TMCC3: variants seen among roughly 807,000 people sequenced by gnomAD.
The protein encoded by TMCC3 is transmembrane and coiled-coil domain family 3.
A neutral mutation model predicts 40.2 loss-of-function variants in TMCC3; 28 were observed. That is an observed-to-expected ratio of 0.70 (90% CI 0.52 to 0.95). The LOEUF (loss-of-function observed/expected upper bound fraction) is 0.95, where lower values mean the gene tolerates loss of function less well. Among genes scored for constraint, TMCC3 ranks in the 40% least tolerant of loss-of-function variants. TMCC3 has a pLI of 0.00. For missense variants in TMCC3, 554 were observed against 615.2 expected (o/e 0.90, Z 1.05); for synonymous variants, 255 against 248.5 (o/e 1.03, Z -0.25).
intron 1 of TMCC3, among the ~76,000 whole-genome samples, chr12:94,598,116 C>T (rs2068729491): frequency 6.6e-6 from 1 of 152,114 alleles, no homozygotes; most frequent in Admixed American, 6.5e-5. Flanking sequence ...GTTTCCGGTA[C>T]CTTATTTTAT....
rs1488514359 is a variant in TMCC3 at position 94,593,455 on chromosome 12, A to T, written c.79-10917T>A. Among the ~76,000 whole-genome samples the T allele has an allele frequency of 2.5e-5, 3 of 120,130 alleles. 1 individual carries two copies. Among genetic ancestry groups the T allele is most frequent in the African/African-American group, 6.0e-5 (2 of 33,308 alleles). 78.8% of individuals were successfully genotyped at this position (120,130 alleles called of 152,430 possible). ...GAAGGAGAAGGAGAAGGAGAAGGAG[A>T]AGAAGAAGAAGAAGAAGAAGAATTC... On this transcript the variant is annotated intron_variant, in intron 1 of 3. Transcript: ENST00000261226.
At chr12:94,602,293 G>A (rs541957095) in intron 1 of TMCC3, among the ~76,000 whole-genome samples, 15 of 152,324 alleles carry the variant, frequency 9.8e-5, no homozygotes, top group African/African-American at 3.6e-4. Flanking sequence ...TAGTTGCAGA[G>A]ATCACAGACT....
intron 1 of TMCC3, among the ~76,000 whole-genome samples, chr12:94,624,908 A>T (rs992321867): frequency 2.6e-5 from 4 of 152,152 alleles, no homozygotes; most frequent in African/African-American, 9.6e-5. Context: ...TGGGAGGCCG[A>T]GGCGGGTGGA....
Position 94,582,165 on chromosome 12 carries a change from C to T in TMCC3, c.452G>A (p.Ser151Asn). 1 of 1,614,084 alleles carries T rather than the reference C, an allele frequency of 6.2e-7. No homozygotes were observed. Among genetic ancestry groups the T allele is most frequent in the Non-Finnish European group, 8.5e-7 (1 of 1,180,014 alleles). ...GTGGTCTTTGGAAATGTCCTTTGAG[C>T]TCCTAGAGGCTCCATTCTGCTCGAT... Reference protein sequence around the residue: ...REIEQNGASRSSKDISKDHLK... With the variant: ...REIEQNGASRNSKDISKDHLK... Residue 151 changes from serine to asparagine, a missense_variant, in exon 2 of 4, where the codon AGC (serine) becomes AAC (asparagine). Physicochemically the swap from Ser to Asn is conservative, Grantham distance 46. Coordinates refer to ENST00000261226, the MANE Select transcript of TMCC3 (RefSeq NM_020698.4).
At chr12:94,596,667 C>T (rs2068716944) in intron 1 of TMCC3, among the ~76,000 whole-genome samples, 3 of 151,926 alleles carry the variant, frequency 2.0e-5, no homozygotes, top group Non-Finnish European at 2.9e-5. Flanking sequence ...CATCTATCAT[C>T]TACTAGGCCA....
At chr12:94,578,710 C>A (rs2068582945) in intron 2 of TMCC3, among the ~76,000 whole-genome samples, 181 bp from the exon 3 acceptor site, 1 of 152,190 alleles carries the variant, frequency 6.6e-6, no homozygotes, top group African/African-American at 2.4e-5. Context: ...AGTCCCAGCT[C>A]TGGAAAGATC....
intron 1 of TMCC3, among the ~76,000 whole-genome samples, chr12:94,628,788 G>T (rs1178500652): frequency 1.3e-5 from 2 of 152,170 alleles, no homozygotes; most frequent in Admixed American, 1.3e-4. Flanking sequence ...CCATAAGCGC[G>T]TGACTTTTGT....
chr12:94,620,772 G>A (rs185831257), intron 1 of TMCC3, among the ~76,000 whole-genome samples: 1 of 152,270 alleles, frequency 6.6e-6, no homozygotes, highest in Admixed American at 6.5e-5. Context: ...ATTAGAATGG[G>A]TCTGCTTTAG....
chr12:94,573,410 G>A (rs566192853), intron 3 of TMCC3, among the ~76,000 whole-genome samples: 1 of 152,230 alleles, frequency 6.6e-6, no homozygotes, highest in East Asian at 1.9e-4. Flanking sequence ...AGCCACCCAA[G>A]CGGTCTTTTA....
intron 1 of TMCC3, among the ~76,000 whole-genome samples, chr12:94,607,161 GAA>G (rs1340079433): frequency 1.3e-5 from 2 of 152,204 alleles, no homozygotes; most frequent in Non-Finnish European, 2.9e-5. Context: ...TCTGCAAGAA[GAA>G]AACTATGGCT....
intron 1 of TMCC3, among the ~76,000 whole-genome samples, chr12:94,588,561 A>C (rs1388517192): frequency 6.6e-6 from 1 of 152,242 alleles, no homozygotes; most frequent in Non-Finnish European, 1.5e-5. Flanking sequence ...GGCATTTCCA[A>C]GGCAACAGGT....
intron 1 of TMCC3, among the ~76,000 whole-genome samples, chr12:94,594,419 C>T (rs1394025280): frequency 1.3e-5 from 2 of 152,096 alleles, no homozygotes; most frequent in Admixed American, 6.5e-5. Flanking sequence ...TAGGACTAAA[C>T]ACAGAACAAA....
chr12:94,646,495 A>G (rs1052053305), intron 1 of TMCC3, among the ~76,000 whole-genome samples: 1 of 140,930 alleles, frequency 7.1e-6, no homozygotes, highest in Admixed American at 7.3e-5. Flanking sequence ...CTGGAGTGCA[A>G]TGGCACGATC....
intron 3 of TMCC3, among the ~76,000 whole-genome samples, chr12:94,572,372 G>A (rs550179244): frequency 4.1e-4 from 58 of 140,316 alleles, no homozygotes; most frequent in African/African-American, 1.5e-3. Flanking sequence ...GTGCAGTGGC[G>A]TGATCTCGGC....
intron 1 of TMCC3, among the ~76,000 whole-genome samples, chr12:94,625,142 C>CAAA (rs35584074): frequency 0.056 from 6,610 of 117,112 alleles, 323 homozygotes; most frequent in African/African-American, 0.15. Flanking sequence ...AACTCCATCT[C>CAAA]AAAAAAAAAA....
At chr12:94,623,106 T>C (rs1361626027) in intron 1 of TMCC3, among the ~76,000 whole-genome samples, 1 of 152,180 alleles carries the variant, frequency 6.6e-6, no homozygotes, top group African/African-American at 2.4e-5. Context: ...GCTGCCAAAT[T>C]GCAATATTCA....
chr12:94,598,212 C>T (rs1214461973), intron 1 of TMCC3, among the ~76,000 whole-genome samples: 1 of 152,208 alleles, frequency 6.6e-6, no homozygotes, highest in Non-Finnish European at 1.5e-5. Context: ...TAATAAGTGG[C>T]AGAGCCATGT....
intron 1 of TMCC3, among the ~76,000 whole-genome samples, chr12:94,614,365 G>A (rs1189528971): frequency 1.3e-5 from 2 of 152,152 alleles, no homozygotes; most frequent in Non-Finnish European, 2.9e-5. Context: ...TGTGAAGCAT[G>A]CAGTCAGGAG....
At chr12:94,612,251 T>C (rs1185718547) in intron 1 of TMCC3, among the ~76,000 whole-genome samples, 1 of 151,986 alleles carries the variant, frequency 6.6e-6, no homozygotes, top group Admixed American at 6.6e-5. Flanking sequence ...TCCGCCTGCC[T>C]TGGCCTCCTA....
Sources: gnomAD v4.1 joint callset for allele counts (sites outside exome capture counted in the v4.1 genomes callset) on GRCh38, gnomAD v4.1.1 for gene constraint, MANE v1.5 for transcripts, NCBI Gene and HGNC (gene_info 2026-07-23, HGNC 2026-07-21) for gene names.